The following LUZP1 variants were observed in gnomAD, a reference collection of about 807,000 sequenced individuals.
LUZP1 encodes leucine zipper protein 1, also known as filamin mechanobinding actin cross-linking protein.
In LUZP1, 25 loss-of-function variants were observed where a neutral mutation model predicts 71.3. The ratio of observed to expected loss-of-function variants is 0.35; its 90% CI spans 0.26 to 0.49. The LOEUF (loss-of-function observed/expected upper bound fraction) is 0.49, where lower values mean the gene tolerates loss of function less well. Among genes scored for constraint, LUZP1 ranks in the 20% least tolerant of loss-of-function variants. LUZP1 has a pLI of 0.99. For synonymous variants in LUZP1, 481 were observed against 506.4 expected (o/e 0.95, Z 0.67); for missense variants, 1,142 against 1,300.8 (o/e 0.88, Z 1.88).
chr1:23,156,171 G>A (rs1569688803), intron 2 of LUZP1, among the ~76,000 whole-genome samples: 3 of 152,140 alleles, frequency 2.0e-5, no homozygotes, highest in African/African-American at 4.8e-5. Context: ...ACTTGAGGTC[G>A]TAGTTCGAGA....
chr1:23,161,098 G>A (rs1003243880), intron 2 of LUZP1, among the ~76,000 whole-genome samples: 13 of 152,276 alleles, frequency 8.5e-5, no homozygotes, highest in African/African-American at 2.9e-4. Flanking sequence ...GCTGAATTGG[G>A]AATATGGCCA....
intron 2 of LUZP1, among the ~76,000 whole-genome samples, chr1:23,150,289 T>C (rs1233794640): frequency 6.6e-6 from 1 of 152,114 alleles, no homozygotes; most frequent in Non-Finnish European, 1.5e-5. Context: ...TGGTAAGGAC[T>C]TTTTGAAAAA....
intron 2 of LUZP1, among the ~76,000 whole-genome samples, chr1:23,163,237 CAAAA>C (rs36097785): frequency 8.9e-5 from 4 of 45,160 alleles, no homozygotes; most frequent in Admixed American, 2.4e-4. Context: ...GAGACTCTCT[CAAAA>C]AAAAAAAAAA....
intron 2 of LUZP1, among the ~76,000 whole-genome samples, chr1:23,151,299 C>T (rs1439434605): frequency 6.6e-6 from 1 of 152,142 alleles, no homozygotes; most frequent in Admixed American, 6.5e-5. Flanking sequence ...CTGCCTCGGC[C>T]TCCCAAAGTG....
At chr1:23,100,178 G>A (rs920325988) in intron 3 of LUZP1, among the ~76,000 whole-genome samples, 11 of 152,150 alleles carry the variant, frequency 7.2e-5, no homozygotes, top group Non-Finnish European at 1.2e-4. Flanking sequence ...TACCCAGCAG[G>A]GAGCCTAGCA....
intron 3 of LUZP1, among the ~76,000 whole-genome samples, chr1:23,104,792 G>A (rs114071260): frequency 9.0e-4 from 137 of 152,302 alleles, no homozygotes; most frequent in African/African-American, 3.2e-3. Flanking sequence ...ACTATTTTCA[G>A]ATCTAGGCAC....
chr1:23,154,582 G>A (rs548047641), intron 2 of LUZP1, among the ~76,000 whole-genome samples: 8 of 151,348 alleles, frequency 5.3e-5, no homozygotes, highest in Non-Finnish European at 8.8e-5. Flanking sequence ...TTGCTCTGTC[G>A]CCCAGGCTGG....
At chr1:23,159,154 C>T (rs890842144) in intron 2 of LUZP1, among the ~76,000 whole-genome samples, 4 of 151,936 alleles carry the variant, frequency 2.6e-5, no homozygotes, top group African/African-American at 9.7e-5. Flanking sequence ...TCCTGGCTAA[C>T]ATGGTGAAAC....
At chr1:23,136,372 A>T (rs1399617340) in intron 2 of LUZP1, among the ~76,000 whole-genome samples, 1 of 151,608 alleles carries the variant, frequency 6.6e-6, no homozygotes, top group Admixed American at 6.6e-5. Context: ...GGAAAAAACA[A>T]AAACAATTTT....
At chr1:23,126,020 C>T (rs949850441) in intron 2 of LUZP1, among the ~76,000 whole-genome samples, 2 of 152,220 alleles carry the variant, frequency 1.3e-5, no homozygotes, top group African/African-American at 4.8e-5. Context: ...AGCCCACAGA[C>T]TGTGCATTCT....
chr1:23,138,033 C>T (rs754810101), intron 2 of LUZP1, among the ~76,000 whole-genome samples: 5 of 152,170 alleles, frequency 3.3e-5, no homozygotes, highest in Non-Finnish European at 7.4e-5. Flanking sequence ...TGCAATGGCA[C>T]GATCTCAGCT....
intron 2 of LUZP1, among the ~76,000 whole-genome samples, chr1:23,145,612 C>G (rs1349406745): frequency 6.6e-6 from 1 of 151,648 alleles, no homozygotes; most frequent in African/African-American, 2.4e-5. Flanking sequence ...TGGGATTACA[C>G]GTGCATGCCA....
At chr1:23,164,221 C>T (rs1484024874) in intron 2 of LUZP1, among the ~76,000 whole-genome samples, 1 of 152,078 alleles carries the variant, frequency 6.6e-6, no homozygotes, top group Non-Finnish European at 1.5e-5. Flanking sequence ...ACCGGCTGGG[C>T]GCGGTGGCTC....
rs1317355746 is a variant in LUZP1, at chr1:23,139,019, A to AAAAAAAAT, written c.-226+29746_-226+29747insATTTTTTT. On this transcript the variant is annotated intron_variant, in intron 2 of 4. Coordinates refer to ENST00000302291, the Ensembl canonical transcript of LUZP1. ...TCTCAAAAAAAAAAAAAAAAAAAAA[A>AAAAAAAAT]ATATATATATATATATATATATATA... is the stretch of plus-strand genomic sequence containing the variant. Among the ~76,000 whole-genome samples the AAAAAAAAT allele has an allele frequency of 1.1e-3, 66 of 59,938 alleles. 1 individual carries two copies. Among genetic ancestry groups the AAAAAAAAT allele is most frequent in the African/African-American group, 3.1e-3 (33 of 10,780 alleles). 39.3% of individuals were successfully genotyped at this position (59,938 alleles called of 152,430 possible).
intron 2 of LUZP1, among the ~76,000 whole-genome samples, chr1:23,123,763 A>T (rs1019642146): frequency 2.0e-5 from 3 of 152,090 alleles, no homozygotes; most frequent in Non-Finnish European, 4.4e-5. Context: ...TTAACCATAG[A>T]CTTTGAACAT....
At chr1:23,141,372 C>T (rs1391411217) in intron 2 of LUZP1, among the ~76,000 whole-genome samples, 1 of 152,204 alleles carries the variant, frequency 6.6e-6, no homozygotes, top group African/African-American at 2.4e-5. Context: ...CACCCTCATG[C>T]CATGTTCAAG....
In LUZP1 at chr1:23,171,096, A is replaced by AT. The variant is rs1395978555; in HGVS notation, c.-484-2073_-484-2072insA. ...AGATCGAGACCCTGTCTCAAAAAAA[A>AT]AAAATATATATATATATATATAATT... On this transcript the variant is annotated intron_variant, in intron 1 of 4. Coordinates refer to ENST00000302291, the Ensembl canonical transcript of LUZP1. 2.3e-3 allele frequency among the ~76,000 whole-genome samples: 320 copies of AT among 141,288 alleles called. 1 individual carries two copies. Among genetic ancestry groups the AT allele is most frequent in the East Asian group, 5.1e-3 (25 of 4,922 alleles). The allele number at this position is 141,288 out of a possible 152,430, so 92.7% of individuals were successfully genotyped here. A position where few individuals can be genotyped will look rare whatever the true frequency, so the allele number is the denominator to read the frequency against.
chr1:23,110,894 A>G (rs1644025328), intron 2 of LUZP1, among the ~76,000 whole-genome samples: 1 of 152,090 alleles, frequency 6.6e-6, no homozygotes, highest in Non-Finnish European at 1.5e-5. Flanking sequence ...TGGCCTCCCA[A>G]AGAGAAGAGT....
chr1:23,148,504 A>G (rs925965714), intron 2 of LUZP1, among the ~76,000 whole-genome samples: 4 of 152,198 alleles, frequency 2.6e-5, no homozygotes, highest in African/African-American at 7.2e-5. Flanking sequence ...CTATCTCTGC[A>G]ACTTTCTGAA....
Sources: allele counts gnomAD v4.1 joint callset (sites outside exome capture counted in the v4.1 genomes callset), GRCh38; gene constraint gnomAD v4.1.1; transcripts MANE v1.5; gene names NCBI Gene and HGNC (gene_info 2026-07-23, HGNC 2026-07-21).